The following NUMBL variants were observed in gnomAD, a reference collection of about 807,000 sequenced individuals.
The protein encoded by NUMBL is NUMB like endocytic adaptor protein, also known as numb-like protein.
NUMBL carries 20 observed loss-of-function variants against 48.9 expected under a neutral mutation model. The observed-to-expected ratio is 0.41, with a 90% CI of 0.29 to 0.59. The LOEUF (loss-of-function observed/expected upper bound fraction) is 0.59. NUMBL is among the 20% of genes least tolerant of loss of function. The probability of loss-of-function intolerance (pLI) is 0.31; values close to 1 mark genes in which losing one functional copy is unlikely to be tolerated. For synonymous variants in NUMBL, 340 were observed against 348.7 expected, an observed-to-expected ratio of 0.98 and a Z score of 0.28; for missense variants, 660 against 846.2, an observed-to-expected ratio of 0.78 and a Z score of 2.73.
intron 3 of NUMBL, 43 bp from the exon 4 acceptor site, chr19:40,683,011 G>A (rs761499044): frequency 6.5e-7 from 1 of 1,546,594 alleles, no homozygotes; most frequent in South Asian, 1.1e-5. Flanking sequence ...AAACAGCACA[G>A]TAATCACTCA....
intron 9 of NUMBL, among the ~76,000 whole-genome samples, chr19:40,668,717 C>T (rs920886868): frequency 2.0e-5 from 3 of 152,106 alleles, no homozygotes; most frequent in Non-Finnish European, 4.4e-5. Flanking sequence ...CCTCGGCTTC[C>T]CAAAGTACTA....
Position 40,673,565 on chromosome 19 carries a change from C to A in NUMBL, c.815G>T (p.Gly272Val). 1 of 1,549,098 alleles carries A rather than the reference C, an allele frequency of 6.5e-7. No homozygotes were observed. The change falls in exon 8 of 10, where the codon GGT (glycine) becomes GTT (valine). Residue 272 changes from glycine (G) to valine (V), a missense_variant. Physicochemically the swap from Gly to Val is moderately radical, Grantham distance 109. Coordinates refer to ENST00000252891, the MANE Select transcript of NUMBL (RefSeq NM_004756.5). This position sits in a 1 kb window ranked among gnomAD's most constrained non-coding sequence, Gnocchi z 5.9. ...AGGGGTGCCTGCCTCACCCTTCTCACCAGGGGATGTGGTGGCTGGTGTCGG... is the reference window on the plus strand; with the variant it reads ...AGGGGTGCCTGCCTCACCCTTCTCAACAGGGGATGTGGTGGCTGGTGTCGG... Reference protein sequence around the residue: ...VSPTPATTSPGEKGEAGTPVA... With the variant: ...VSPTPATTSPVEKGEAGTPVA...
chr19:40,681,405 A>G (rs1056070899), intron 5 of NUMBL, among the ~76,000 whole-genome samples: 3 of 152,144 alleles, frequency 2.0e-5, no homozygotes, highest in African/African-American at 7.2e-5. Flanking sequence ...TAACTAAGAA[A>G]AAAAGTCAAG....
At chr19:40,678,346 A>G (rs1442866492) in intron 6 of NUMBL, among the ~76,000 whole-genome samples, 1 of 152,166 alleles carries the variant, frequency 6.6e-6, no homozygotes, top group Admixed American at 6.5e-5. Context: ...TATTTTTAGT[A>G]GAGATGGGAT....
In NUMBL at chr19:40,690,569, T is replaced by C; in HGVS notation, c.-86A>G. 3.6e-6 allele frequency: 3 copies of C among 825,486 alleles called. No individual in the cohort carries two copies. The highest frequency in any genetic ancestry group is 4.8e-6 in the Non-Finnish European group (3 of 620,616). The allele number at this position is 825,486 out of a possible 1,614,324, so 51.1% of individuals were successfully genotyped here. ...CTGCTGCGGTGGTGGCGGCGGCAGC[T>C]CGGTCTGACGCCGGCCAGGGCCCGG... On this transcript the variant is annotated 5_prime_UTR_variant, in exon 1 of 10. Coordinates refer to ENST00000252891, the MANE Select transcript of NUMBL (RefSeq NM_004756.5).
At chr19:40,671,885 A>AT (rs1000066245) in intron 8 of NUMBL, among the ~76,000 whole-genome samples, 178 of 145,744 alleles carry the variant, frequency 1.2e-3, no homozygotes, top group Middle Eastern at 0.011. Context: ...ATTGCTCTTA[A>AT]TTTTTTTTTT....
At chr19:40,684,795 G>A (rs866030011) in intron 2 of NUMBL, 143 of 518,876 alleles carry the variant, frequency 2.8e-4, no homozygotes, top group African/African-American at 2.4e-3. Flanking sequence ...CAGAACCATG[G>A]GGCTAAGGGG....
At chr19:40,683,018 C>T (rs1210629572) in intron 3 of NUMBL, 50 bp from the exon 4 acceptor site, 2 of 1,529,426 alleles carry the variant, frequency 1.3e-6, no homozygotes. Flanking sequence ...ACAGTAATCA[C>T]TCATTCTCAG....
At chr19:40,680,527 C>T (rs367953926) in intron 6 of NUMBL, among the ~76,000 whole-genome samples, 26 of 152,094 alleles carry the variant, frequency 1.7e-4, no homozygotes, top group African/African-American at 6.3e-4. Context: ...TGGCTCACTG[C>T]AACCTCCACC....
In NUMBL at chr19:40,677,235, T is replaced by G; in HGVS notation, c.727A>C (p.Lys243Gln). Residue 243 changes from lysine (K) to glutamine (Q), a missense_variant, in exon 7 of 10, where the codon AAA (lysine) becomes CAA (glutamine). Lys to Gln is a moderately conservative substitution (Grantham distance 53). Around this residue, in one of 3 missense-constraint regions of NUMBL, gnomAD observed 278 missense variants for 420.6 expected, o/e 0.66. Coordinates refer to ENST00000252891, the MANE Select transcript of NUMBL (RefSeq NM_004756.5). ...PAEREAPDKK[K>Q]AEAAAAPTVA... is the part of the protein sequence containing the mutation. ...TGGCGCTTGGGGCAACACCCACCTT[T>G]CTTCTTGTCCGGGGCCTCTCGCTCA... The G allele has an allele frequency of 1.9e-6, 3 of 1,556,458 alleles. No individual in the cohort carries two copies. Among genetic ancestry groups the G allele is most frequent in the Non-Finnish European group, 2.6e-6 (3 of 1,150,738 alleles).
chr19:40,684,380 C>A (rs755300610), intron 3 of NUMBL, 37 bp downstream of exon 3: 350 of 1,533,358 alleles, frequency 2.3e-4, no homozygotes, highest in Non-Finnish European at 2.9e-4. Flanking sequence ...CGGCCCCCGT[C>A]CCCCTCGCCC....
chr19:40,681,177 G>A, intron 5 of NUMBL, 120 bp from the exon 6 acceptor site: 1 of 1,068,834 alleles, frequency 9.4e-7, no homozygotes, highest in East Asian at 2.4e-5. Context: ...AGCAGTCACT[G>A]AGACACCCTG....
chr19:40,680,598 A>T (rs1433363481), intron 6 of NUMBL, among the ~76,000 whole-genome samples: 1 of 151,820 alleles, frequency 6.6e-6, no homozygotes, highest in Non-Finnish European at 1.5e-5. Flanking sequence ...ACAGGTGTGC[A>T]CCACCACACC....
At chr19:40,681,219 G>A (rs113381135) in intron 5 of NUMBL, among the ~76,000 whole-genome samples, 162 bp from the exon 6 acceptor site, 10 of 152,240 alleles carry the variant, frequency 6.6e-5, no homozygotes, top group Middle Eastern at 3.4e-3. Context: ...CCAGGTCAGC[G>A]GGAAGATCAG....
Position 40,690,531 on chromosome 19 carries a change from T to TC in NUMBL, c.-49dup. 8.5e-7 allele frequency: 1 copy of TC among 1,178,658 alleles called. No individual in the cohort carries two copies. Among genetic ancestry groups the TC allele is most frequent in the Non-Finnish European group, 1.1e-6 (1 of 938,226 alleles). The allele number at this position is 1,178,658 out of a possible 1,614,324, so 73.0% of individuals were successfully genotyped here. A position where few individuals can be genotyped will look rare whatever the true frequency, so the allele number is the denominator to read the frequency against. On this transcript the variant is annotated 5_prime_UTR_variant, in exon 1 of 10. Coordinates refer to ENST00000252891, the MANE Select transcript of NUMBL (RefSeq NM_004756.5). ...TCCCGCGGCCCTGGCTGGGCCTGGC[T>TC]CCCCGACTGCTGCTGCTGCGGTGGT...
chr19:40,674,579 C>T (rs2081864755), intron 7 of NUMBL, among the ~76,000 whole-genome samples: 1 of 152,202 alleles, frequency 6.6e-6, no homozygotes, highest in African/African-American at 2.4e-5. Flanking sequence ...GAGACCCTCC[C>T]ATAAGGATGT....
At chr19:40,683,380 C>A (rs1355622021) in intron 3 of NUMBL, among the ~76,000 whole-genome samples, 1 of 152,278 alleles carries the variant, frequency 6.6e-6, no homozygotes, top group Non-Finnish European at 1.5e-5. Context: ...GCTCCCTCAT[C>A]TGCAGGTGGG....
intron 8 of NUMBL, among the ~76,000 whole-genome samples, chr19:40,671,909 C>G (rs1425236219): frequency 6.6e-6 from 1 of 151,544 alleles, no homozygotes; most frequent in Non-Finnish European, 1.5e-5. Context: ...GAGACAGGTT[C>G]TCACTCTGTT....
chr19:40,686,828 G>T, intron 2 of NUMBL, 83 bp downstream of exon 2: 3 of 856,500 alleles, frequency 3.5e-6, no homozygotes, highest in South Asian at 3.0e-5. Context: ...AAGCCTGTGT[G>T]ACCGCAGGGA....
Sources: allele counts gnomAD v4.1 joint callset (sites outside exome capture counted in the v4.1 genomes callset), GRCh38; gene constraint gnomAD v4.1.1; regional missense constraint gnomAD v4.1.1; non-coding constraint Gnocchi (gnomAD v3.1); transcripts MANE v1.5; gene names NCBI Gene and HGNC (gene_info 2026-07-23, HGNC 2026-07-21).